Variants in ZC3HC1 observed in about 807,000 individuals in gnomAD.
ZC3HC1 encodes zinc finger C3HC-type protein 1.
ZC3HC1 carries 38 observed loss-of-function variants against 61.9 expected under a neutral mutation model. The ratio of observed to expected loss-of-function variants is 0.61; its 90% confidence interval spans 0.47 to 0.81. The LOEUF is 0.81. Ranked by LOEUF, ZC3HC1 falls within the 30% of genes least tolerant of loss-of-function variation. The pLI, the probability that ZC3HC1 is intolerant of heterozygous loss-of-function variation, is 0.00. For missense variants in ZC3HC1, 554 were observed against 622.7 expected (o/e 0.89, Z 1.17); for synonymous variants, 213 against 229.9 (o/e 0.93, Z 0.67).
intron 3 of ZC3HC1, among the ~76,000 whole-genome samples, chr7:130,040,182 TAAAAAAAAAAAAAAAAA>T (rs34814353): frequency 1.1e-4 from 4 of 35,360 alleles, no homozygotes; most frequent in Admixed American, 5.0e-4. Flanking sequence ...TAGCTTAGTT[TAAAAAAAAAAAAAAAAA>T]AAAAAAAAAA....
In ZC3HC1 at chr7:130,023,731, A is replaced by G; in HGVS notation, c.1021-8T>C. ...ACCAGGGCTCTTTTCAGCCTGAAGG[A>G]AAGGGGAGATAATGGAAGTACACGA... On this transcript the variant is annotated splice_region_variant and splice_polypyrimidine_tract_variant and intron_variant, in intron 7 of 9. Transcript: ENST00000358303. This position sits in a 1 kb window ranked among gnomAD's most constrained non-coding sequence, Gnocchi z 4.2. The G allele has an allele frequency of 6.2e-7, 1 of 1,608,118 alleles. No homozygotes were observed. The highest frequency in any genetic ancestry group is 8.5e-7 in the Non-Finnish European group (1 of 1,175,236).
Position 130,020,913 on chromosome 7 carries a change from TA to T in ZC3HC1, c.1440+1405del, listed in dbSNP as rs1233694595. ...TACTAATATACATTTATTTTTATTT[TA>T]TTTTTTTTTGAGACAGCGTCTCTCT... On this transcript the variant is annotated intron_variant, in intron 9 of 9. Coordinates refer to ENST00000358303, the MANE Select transcript of ZC3HC1 (RefSeq NM_016478.5). 9.0e-4 allele frequency among the ~76,000 whole-genome samples: 133 copies of T among 147,776 alleles called. 1 individual carries two copies. Among genetic ancestry groups the T allele is most frequent in the Admixed American group, 4.7e-3 (70 of 14,872 alleles).
chr7:130,036,197 T>G (rs377589514), intron 4 of ZC3HC1, among the ~76,000 whole-genome samples: 52 of 151,478 alleles, frequency 3.4e-4, no homozygotes, highest in African/African-American at 8.0e-4. Flanking sequence ...AAGGGAAAAG[T>G]TGGAGAAAGA....
chr7:130,018,999 G>T (rs1172880611), intron 9 of ZC3HC1, among the ~76,000 whole-genome samples: 3 of 151,708 alleles, frequency 2.0e-5, no homozygotes, highest in Non-Finnish European at 4.4e-5. Flanking sequence ...CTTTGTACTT[G>T]AGGATGACAC....
chr7:130,041,697 T>A (rs996564796), intron 2 of ZC3HC1, among the ~76,000 whole-genome samples: 4 of 151,700 alleles, frequency 2.6e-5, no homozygotes, highest in African/African-American at 9.7e-5. Context: ...CCCAGCTAAT[T>A]TTTGTATTTT....
rs753622316 is a variant in ZC3HC1, at chr7:130,022,535, G to A, written c.1234-10C>T. 1 of 1,613,880 alleles carries A rather than the reference G, an allele frequency of 6.2e-7. No individual in the cohort carries two copies. Among genetic ancestry groups the A allele is most frequent in the South Asian group, 1.1e-5 (1 of 91,012 alleles). ...TTCGGGAAGATGTGTCCTGAGGAAG[G>A]AGAAAAAGAAATAGCATTCATAGGT... is the stretch of plus-strand genomic sequence containing the variant. On this transcript the variant is annotated splice_polypyrimidine_tract_variant and intron_variant, in intron 8 of 9. Transcript: ENST00000358303.
At position 130,028,923 on chromosome 7, in the gene ZC3HC1, C is replaced by T; in HGVS notation, c.600G>A (p.Arg200=). 1 of 1,613,460 alleles carries T rather than the reference C, an allele frequency of 6.2e-7. No homozygotes were observed. Among genetic ancestry groups the T allele is most frequent in the Non-Finnish European group, 8.5e-7 (1 of 1,179,624 alleles). ...CHLDLQLPSL[R]PEDLKTMCLT... ...TCACCATAGTTTTCAAGTCCTCCGG[C>T]CTTAGGGAAGGAAGCTGGAGGTCCA... The change falls in exon 5 of 10, where the codon AGG becomes AGA. Residue 200 remains arginine (R), a synonymous_variant. Transcript: ENST00000358303.
At position 130,029,836 on chromosome 7, in the gene ZC3HC1, T is replaced by G. The variant is rs138201325; in HGVS notation, c.494-807A>C. On this transcript the variant is annotated intron_variant, in intron 4 of 9. Coordinates refer to ENST00000358303, the MANE Select transcript of ZC3HC1 (RefSeq NM_016478.5). ...CATTTTATAACTACCAAGTTATAAC[T>G]TACTGTGAGCTAAGAATGAAAAAAA... Among the ~76,000 whole-genome samples, 550 of 152,284 alleles carry G rather than the reference T, an allele frequency of 3.6e-3. 4 individuals are homozygous for G. The highest frequency in any genetic ancestry group is 0.012 in the African/African-American group (514 of 41,570).
chr7:130,027,812 C>T (rs995868759), intron 5 of ZC3HC1, among the ~76,000 whole-genome samples: 12 of 152,146 alleles, frequency 7.9e-5, no homozygotes, highest in Non-Finnish European at 1.6e-4. Flanking sequence ...AGCCACTGTG[C>T]CCGGGCTGAC....
At chr7:130,046,604 C>A (rs1344827535) in intron 2 of ZC3HC1, among the ~76,000 whole-genome samples, 16 of 145,978 alleles carry the variant, frequency 1.1e-4, no homozygotes, top group Non-Finnish European at 2.2e-4. Flanking sequence ...GAGACTCCAT[C>A]TCAAAAAAAA....
chr7:130,048,149 T>G (rs1175976163), intron 2 of ZC3HC1, among the ~76,000 whole-genome samples: 1 of 143,522 alleles, frequency 7.0e-6, no homozygotes, highest in Non-Finnish European at 1.5e-5. Flanking sequence ...AGTTGTTTTT[T>G]TTTTTTTTTT....
At chr7:130,019,262 G>A (rs10278150) in intron 9 of ZC3HC1, among the ~76,000 whole-genome samples, 35,655 of 151,860 alleles carry the variant, frequency 0.23, 4,357 homozygotes, top group Non-Finnish European at 0.25. Context: ...TGTTAGCCAG[G>A]ATGGTCTTGA....
chr7:130,034,843 A>T (rs1339004862), intron 4 of ZC3HC1, among the ~76,000 whole-genome samples: 3 of 152,064 alleles, frequency 2.0e-5, no homozygotes, highest in Non-Finnish European at 2.9e-5. Flanking sequence ...TCTTTGCCTC[A>T]AGACTTACCC....
intron 4 of ZC3HC1, 30 bp downstream of exon 4, chr7:130,039,434 T>C (rs1231283388): frequency 6.4e-7 from 1 of 1,559,528 alleles, no homozygotes; most frequent in Non-Finnish European, 8.8e-7. Flanking sequence ...GAAGGAAAAA[T>C]GGTGAACAGG....
intron 2 of ZC3HC1, among the ~76,000 whole-genome samples, chr7:130,047,751 T>C (rs1159119490): frequency 1.3e-5 from 2 of 152,132 alleles, no homozygotes; most frequent in Admixed American, 1.3e-4. Flanking sequence ...AGCAAGGTGA[T>C]GTGAACAGCT....
intron 9 of ZC3HC1, among the ~76,000 whole-genome samples, chr7:130,020,583 C>T (rs1476745934): frequency 2.0e-5 from 3 of 150,568 alleles, no homozygotes; most frequent in Admixed American, 6.6e-5. Context: ...TTTTTTTTTT[C>T]GAACATCAGG....
intron 3 of ZC3HC1, among the ~76,000 whole-genome samples, chr7:130,039,953 C>T (rs1026558378): frequency 1.3e-5 from 2 of 151,226 alleles, no homozygotes; most frequent in Admixed American, 6.6e-5. Context: ...CTCCCAACCT[C>T]ATGTGATCCA....
At chr7:130,028,446 G>T (rs1287487712) in intron 5 of ZC3HC1, among the ~76,000 whole-genome samples, 2 of 152,014 alleles carry the variant, frequency 1.3e-5, no homozygotes, top group African/African-American at 4.8e-5. Flanking sequence ...GGAGGCTGAG[G>T]CAGGAGAATT....
At position 130,026,228 on chromosome 7, in the gene ZC3HC1, T is replaced by A; in HGVS notation, c.706A>T (p.Ile236Phe). The A allele has an allele frequency of 6.2e-7, 1 of 1,614,168 alleles. No homozygotes were observed. Among genetic ancestry groups the A allele is most frequent in the Non-Finnish European group, 8.5e-7 (1 of 1,180,016 alleles). Residue 236 changes from isoleucine (I) to phenylalanine (F), a missense_variant, in exon 6 of 10, where the codon ATC becomes TTC. Ile to Phe is a conservative substitution (Grantham distance 21). Coordinates refer to ENST00000358303, the MANE Select transcript of ZC3HC1 (RefSeq NM_016478.5). ...ACTTGGATGTCTGAGCCTAATTTGA[T>A]TGTAGTTTTTCTCTCATCAGTTCGG... is the stretch of plus-strand genomic sequence containing the variant. ...DHRTDERKTT[I>F]KLGSDIQVHV...
Sources: allele counts gnomAD v4.1 joint callset (sites outside exome capture counted in the v4.1 genomes callset), GRCh38; gene constraint gnomAD v4.1.1; non-coding constraint Gnocchi (gnomAD v3.1); transcripts MANE v1.5; gene names NCBI Gene and HGNC (gene_info 2026-07-23, HGNC 2026-07-21).